Variants in TNRC18 observed in about 807,000 individuals in gnomAD.
TNRC18 encodes trinucleotide repeat-containing gene 18 protein.
TNRC18 carries 69 observed loss-of-function variants against 226.7 expected under a neutral mutation model. The ratio of observed to expected loss-of-function variants is 0.30; its 90% CI spans 0.25 to 0.37. The LOEUF (loss-of-function observed/expected upper bound fraction) is 0.37. TNRC18 is among the 10% of genes least tolerant of loss of function. The pLI is 1.00. For synonymous variants in TNRC18, 2,449 were observed against 1,927.6 expected, an observed-to-expected ratio of 1.27 and a Z score of -7.09; for missense variants, 4,754 against 4,256.6, an observed-to-expected ratio of 1.12 and a Z score of -3.25.
At chr7:5,319,580 C>G (rs1392943190) in intron 24 of TNRC18, among the ~76,000 whole-genome samples, 1 of 152,182 alleles carries the variant, frequency 6.6e-6, no homozygotes, top group African/African-American at 2.4e-5. Flanking sequence ...GCAATCCTGG[C>G]TCACTGCAAC....
chr7:5,338,090 AC>A (rs1790302303), intron 18 of TNRC18, among the ~76,000 whole-genome samples: 1 of 152,252 alleles, frequency 6.6e-6, no homozygotes, highest in Admixed American at 6.5e-5. Flanking sequence ...ATATGGACTT[AC>A]AAAGTTGCAA....
Position 5,313,217 on chromosome 7 carries a change from C to G in TNRC18, c.7674G>C (p.Glu2558Asp). 6.5e-7 allele frequency: 1 copy of G among 1,548,800 alleles called. No individual in the cohort carries two copies. Among genetic ancestry groups the G allele is most frequent in the Non-Finnish European group, 8.7e-7 (1 of 1,146,812 alleles). ...QAEQDGAEES[E>D]SSSSSSSGSS... The stretch of plus-strand genomic sequence containing the variant: ...TGCCACTACTGCTGCTGCTGCTGCT[C>G]TCGGACTCTTCGGCCCCGTCCTGCT... The change falls in exon 27 of 30, where the codon GAG (glutamate) becomes GAC (aspartate). Residue 2558 changes from glutamate (E) to aspartate (D), a missense_variant. Transcript: ENST00000430969.
intron 18 of TNRC18, among the ~76,000 whole-genome samples, chr7:5,338,189 G>T (rs1790311246): frequency 6.6e-6 from 1 of 152,018 alleles, no homozygotes; most frequent in Admixed American, 6.6e-5. Context: ...TTTTAAAAAT[G>T]ACAAAATGAT....
chr7:5,340,690 C>G (rs927620057), intron 18 of TNRC18, among the ~76,000 whole-genome samples: 2 of 150,544 alleles, frequency 1.3e-5, no homozygotes, highest in Admixed American at 6.6e-5. Context: ...TTGCAGTGAG[C>G]TGAGATTGCA....
chr7:5,308,437 A>C, intron 29 of TNRC18, 125 bp from the exon 30 acceptor site: 7 of 855,524 alleles, frequency 8.2e-6, no homozygotes, highest in Non-Finnish European at 1.3e-5. Flanking sequence ...AGACCAAGTC[A>C]GAGACAGAGG....
chr7:5,385,693 GC>G (rs1379748453), intron 5 of TNRC18, among the ~76,000 whole-genome samples: 1 of 143,896 alleles, frequency 6.9e-6, no homozygotes, highest in Non-Finnish European at 1.5e-5. Flanking sequence ...AAAAAAAAAA[GC>G]CAAGCATGGT....
chr7:5,414,011 G>A (rs568176864), intron 2 of TNRC18, among the ~76,000 whole-genome samples: 58 of 152,070 alleles, frequency 3.8e-4, no homozygotes, highest in African/African-American at 1.3e-3. Flanking sequence ...GGAGTGCAGT[G>A]GCACGATCTC....
intron 5 of TNRC18, among the ~76,000 whole-genome samples, chr7:5,379,550 G>A (rs1779252329): frequency 6.6e-6 from 1 of 152,192 alleles, no homozygotes; most frequent in African/African-American, 2.4e-5. Flanking sequence ...TCCCAGGCCT[G>A]GCACATGGAT....
intron 8 of TNRC18, among the ~76,000 whole-genome samples, chr7:5,376,468 C>T (rs1373103459): frequency 6.6e-6 from 1 of 152,174 alleles, no homozygotes; most frequent in Non-Finnish European, 1.5e-5. Flanking sequence ...CCCACAGCCT[C>T]GCAACCAGAG....
At chr7:5,333,266 C>T (rs552656699) in intron 18 of TNRC18, among the ~76,000 whole-genome samples, 27 of 152,368 alleles carry the variant, frequency 1.8e-4, no homozygotes, top group South Asian at 4.1e-4. Flanking sequence ...GCTGCCCGGA[C>T]GCTGCTCCCA....
At chr7:5,354,919 A>T (rs2128151178) in intron 16 of TNRC18, among the ~76,000 whole-genome samples, 1 of 152,312 alleles carries the variant, frequency 6.6e-6, no homozygotes, top group Admixed American at 6.5e-5. Context: ...CGGTATCAAT[A>T]AACACGGCGA....
chr7:5,370,453 G>C lies in TNRC18; in HGVS notation c.4141C>G (p.Gln1381Glu), dbSNP rs1460359484. The change falls in exon 11 of 30, where the codon CAG (glutamine) becomes GAG (glutamate). Residue 1381 changes from glutamine to glutamate, a missense_variant. Coordinates refer to ENST00000430969, the MANE Select transcript of TNRC18 (RefSeq NM_001080495.3). Reference sequence around the variant, plus strand: ...AGGGTGATGCCATGCAGGAAGCTCTGCTCCAAGACAAGGCTCTCGGCTGCT... The same window carrying C: ...AGGGTGATGCCATGCAGGAAGCTCTCCTCCAAGACAAGGCTCTCGGCTGCT... ...LEAAESLVLE[Q>E]SFLHGITLLS... 1 of 1,568,478 alleles carries C rather than the reference G, an allele frequency of 6.4e-7. No individual in the cohort carries two copies. The highest frequency in any genetic ancestry group is 8.6e-7 in the Non-Finnish European group (1 of 1,156,390).
intron 4 of TNRC18, 78 bp downstream of exon 4, chr7:5,390,407 T>A: frequency 7.4e-6 from 10 of 1,342,780 alleles, no homozygotes; most frequent in Non-Finnish European, 1.1e-5. Flanking sequence ...AGCTGGGGGC[T>A]ACCTGGATGC....
chr7:5,419,003 G>A (rs149739290), intron 2 of TNRC18, among the ~76,000 whole-genome samples: 9 of 152,370 alleles, frequency 5.9e-5, no homozygotes, highest in Admixed American at 2.6e-4. Context: ...GTTCAAGGGG[G>A]CGGCAGCTGT....
intron 29 of TNRC18, among the ~76,000 whole-genome samples, chr7:5,308,668 G>A (rs372132542): frequency 7.9e-5 from 12 of 152,204 alleles, no homozygotes; most frequent in African/African-American, 2.9e-4. Context: ...CAGACACTGG[G>A]AGAGCAGAGA....
At chr7:5,345,888 G>C (rs1430436024) in intron 17 of TNRC18, 78 bp from the exon 18 acceptor site, 32 of 1,477,238 alleles carry the variant, frequency 2.2e-5, no homozygotes, top group Non-Finnish European at 2.8e-5. Flanking sequence ...CTGGCCCAGA[G>C]TGGCCTCTGG....
chr7:5,342,373 G>A (rs1052385200), intron 18 of TNRC18, among the ~76,000 whole-genome samples: 20 of 151,246 alleles, frequency 1.3e-4, no homozygotes, highest in Non-Finnish European at 2.2e-4. Context: ...AGGTTGCAGT[G>A]AGCCGAGATC....
At position 5,324,539 on chromosome 7, in the gene TNRC18, C is replaced by T. The variant is rs1484246541; in HGVS notation, c.6301-184G>A. On this transcript the variant is annotated intron_variant, in intron 20 of 29. Coordinates refer to ENST00000430969, the MANE Select transcript of TNRC18 (RefSeq NM_001080495.3). The surrounding 1 kb of genome is among the most constrained non-coding windows in gnomAD (Gnocchi z 4.8). ...GGGAAGGTGAAATGGGCCCAAAACC[C>T]AGCTGGCCCATGCTCAGTACTCGGT... Among the ~76,000 whole-genome samples, 1 of 152,192 alleles carries T rather than the reference C, an allele frequency of 6.6e-6. No individual in the cohort carries two copies. Among genetic ancestry groups the T allele is most frequent in the Non-Finnish European group, 1.5e-5 (1 of 68,032 alleles).
chr7:5,362,390 C>A (rs923670472), intron 12 of TNRC18, among the ~76,000 whole-genome samples: 2 of 152,112 alleles, frequency 1.3e-5, no homozygotes, highest in African/African-American at 4.8e-5. Context: ...ACATGTGACC[C>A]TGGGCTACTC....
Sources: allele counts gnomAD v4.1 joint callset (sites outside exome capture counted in the v4.1 genomes callset), GRCh38; gene constraint gnomAD v4.1.1; non-coding constraint Gnocchi (gnomAD v3.1); transcripts MANE v1.5; gene names NCBI Gene and HGNC (gene_info 2026-07-23, HGNC 2026-07-21).